THSD4: variants seen among roughly 807,000 people sequenced by gnomAD.
THSD4 encodes thrombospondin type 1 domain containing 4.
THSD4 carries 69 observed loss-of-function variants against 119.0 expected under a neutral mutation model. The observed-to-expected ratio is 0.58, with a 90% confidence interval of 0.48 to 0.71. THSD4 has a LOEUF of 0.71. Among genes scored for constraint, THSD4 ranks in the 30% least tolerant of loss-of-function variants. The probability of loss-of-function intolerance (pLI) is 0.00; values close to 1 mark genes in which losing one functional copy is unlikely to be tolerated. For missense variants in THSD4, 1,393 were observed against 1,391.1 expected (o/e 1.00, Z -0.02); for synonymous variants, 524 against 540.4 (o/e 0.97, Z 0.42).
intron 6 of THSD4, among the ~76,000 whole-genome samples, chr15:71,265,205 A>G (rs762484783): frequency 2.0e-5 from 3 of 152,066 alleles, no homozygotes; most frequent in Non-Finnish European, 2.9e-5. Flanking sequence ...AGCTCCCAGC[A>G]AGATCAATGC....
chr15:71,607,036 G>C (rs2050123914), intron 7 of THSD4, among the ~76,000 whole-genome samples: 1 of 152,202 alleles, frequency 6.6e-6, no homozygotes, highest in South Asian at 2.1e-4. Flanking sequence ...AGATGGGCCA[G>C]CTGGGGGCCA....
intron 6 of THSD4, among the ~76,000 whole-genome samples, chr15:71,318,287 G>A (rs1335506629): frequency 2.0e-5 from 3 of 152,140 alleles, no homozygotes; most frequent in African/African-American, 7.2e-5. Flanking sequence ...CAGCATGGAT[G>A]GCCCCCAGAA....
chr15:71,454,768 C>T (rs1309930194), intron 7 of THSD4, among the ~76,000 whole-genome samples: 1 of 152,206 alleles, frequency 6.6e-6, no homozygotes, highest in South Asian at 2.1e-4. Context: ...GCAATCTCAG[C>T]TCTCCAAACA....
At chr15:71,763,900 A>G (rs1275694345) in intron 15 of THSD4, among the ~76,000 whole-genome samples, 3 of 151,998 alleles carry the variant, frequency 2.0e-5, no homozygotes, top group African/African-American at 7.3e-5. Flanking sequence ...CCCCATCTCT[A>G]CAAAAAAATA....
intron 8 of THSD4, among the ~76,000 whole-genome samples, chr15:71,681,419 G>A (rs1028991304): frequency 5.9e-5 from 9 of 151,486 alleles, no homozygotes; most frequent in Admixed American, 2.0e-4. Flanking sequence ...GCTCATGCCT[G>A]TAATTCCAGC....
At chr15:71,471,493 G>T (rs958388566) in intron 7 of THSD4, among the ~76,000 whole-genome samples, 1 of 151,936 alleles carries the variant, frequency 6.6e-6, no homozygotes, top group African/African-American at 2.4e-5. Context: ...CCCCTCTGAG[G>T]CCCTCCAGCC....
At chr15:71,456,189 C>T (rs760325098) in intron 7 of THSD4, among the ~76,000 whole-genome samples, 3 of 152,176 alleles carry the variant, frequency 2.0e-5, no homozygotes, top group Non-Finnish European at 4.4e-5. Context: ...GAAAATGTCC[C>T]GTTAAGCATC....
intron 8 of THSD4, among the ~76,000 whole-genome samples, chr15:71,726,908 G>A (rs775921902): frequency 6.6e-6 from 1 of 151,596 alleles, no homozygotes; most frequent in Non-Finnish European, 1.5e-5. Context: ...TTGCACTCCG[G>A]CCTGGGCAAC....
At chr15:71,380,665 T>C (rs529329784) in intron 6 of THSD4, among the ~76,000 whole-genome samples, 18 of 152,214 alleles carry the variant, frequency 1.2e-4, no homozygotes, top group Admixed American at 4.6e-4. Context: ...TGTTTTGGTT[T>C]TGATGGCAAT....
At chr15:71,672,953 T>C (rs2051563050) in intron 8 of THSD4, among the ~76,000 whole-genome samples, 1 of 152,190 alleles carries the variant, frequency 6.6e-6, no homozygotes, top group East Asian at 1.9e-4. Flanking sequence ...AATTCTCTTT[T>C]TTTGTTGTGT....
At chr15:71,220,188 T>C (rs2043964488) in intron 4 of THSD4, among the ~76,000 whole-genome samples, 1 of 152,134 alleles carries the variant, frequency 6.6e-6, no homozygotes, top group African/African-American at 2.4e-5. Flanking sequence ...CTCTGGGAGA[T>C]GGTAGAGATA....
intron 7 of THSD4, among the ~76,000 whole-genome samples, chr15:71,466,602 C>T (rs1191608694): frequency 6.6e-6 from 1 of 152,186 alleles, no homozygotes; most frequent in Non-Finnish European, 1.5e-5. Flanking sequence ...CCCTCAAATG[C>T]TCCTCTTCTT....
At chr15:71,690,481 G>T (rs915818190) in intron 8 of THSD4, among the ~76,000 whole-genome samples, 4 of 152,152 alleles carry the variant, frequency 2.6e-5, no homozygotes, top group African/African-American at 9.7e-5. Flanking sequence ...AAGGAGGACC[G>T]AGTCTTACTG....
intron 8 of THSD4, among the ~76,000 whole-genome samples, chr15:71,708,434 C>G (rs2052436550): frequency 6.6e-6 from 1 of 152,138 alleles, no homozygotes; most frequent in Non-Finnish European, 1.5e-5. Flanking sequence ...AAATGAAGAC[C>G]TGTAGTAGGG....
chr15:71,133,082 T>A (rs1400733460), intron 1 of THSD4, among the ~76,000 whole-genome samples: 2 of 152,212 alleles, frequency 1.3e-5, no homozygotes, highest in Non-Finnish European at 2.9e-5. Flanking sequence ...CTGATGTTTT[T>A]TCCTTTGGTA....
intron 3 of THSD4, among the ~76,000 whole-genome samples, chr15:71,165,641 G>C (rs551322191): frequency 2.0e-4 from 30 of 152,256 alleles, no homozygotes; most frequent in South Asian, 6.2e-4. Context: ...CAGTAACATG[G>C]TCTCTGTACA....
chr15:71,507,453 G>T lies in THSD4; in HGVS notation c.1152+95630G>T, dbSNP rs538376673. 3.0e-5 allele frequency among the ~76,000 whole-genome samples: 4 copies of T among 133,156 alleles called. No homozygotes were observed. In the South Asian group the frequency reaches 9.8e-4, roughly 33 times the overall value. The allele number at this position is 133,156 out of a possible 152,430, so 87.4% of individuals were successfully genotyped here. ...TGTAGAACACAAGATTTTTCAGGAAGTATACTGAAAGGCCTGTACTTAGTT... is the reference window on the plus strand; with the variant it reads ...TGTAGAACACAAGATTTTTCAGGAATTATACTGAAAGGCCTGTACTTAGTT... On this transcript the variant is annotated intron_variant, in intron 7 of 17. Coordinates refer to ENST00000261862, the MANE Select transcript of THSD4 (RefSeq NM_024817.3).
At chr15:71,685,257 C>T (rs1302819815) in intron 8 of THSD4, among the ~76,000 whole-genome samples, 2 of 151,560 alleles carry the variant, frequency 1.3e-5, no homozygotes, top group African/African-American at 4.8e-5. Flanking sequence ...TGTGACACTT[C>T]TGTTTTTGCT....
chr15:71,721,226 G>A (rs939921824), intron 8 of THSD4, among the ~76,000 whole-genome samples: 1 of 151,738 alleles, frequency 6.6e-6, no homozygotes, highest in African/African-American at 2.4e-5. Context: ...AAAAAGACCA[G>A]GTGCGGTGGC....
Sources: allele counts gnomAD v4.1 joint callset (sites outside exome capture counted in the v4.1 genomes callset), GRCh38; gene constraint gnomAD v4.1.1; transcripts MANE v1.5; gene names NCBI Gene and HGNC (gene_info 2026-07-23, HGNC 2026-07-21).